The following EIF2B2 variants were observed in gnomAD, a reference collection of about 807,000 sequenced individuals.
EIF2B2 encodes the protein translation initiation factor eIF2B subunit beta.
A neutral mutation model predicts 34.7 loss-of-function variants in EIF2B2; 34 were observed. That is an observed-to-expected ratio of 0.98 (90% CI 0.75 to 1.31). The LOEUF (loss-of-function observed/expected upper bound fraction) is 1.31, where lower values mean the gene tolerates loss of function less well. Ranked by LOEUF, EIF2B2 falls within the 50% of genes most tolerant of loss-of-function variation. EIF2B2 has a pLI of 0.00. For missense variants in EIF2B2, 361 were observed against 447.7 expected (o/e 0.81, Z 1.75); for synonymous variants, 155 against 171.6 (o/e 0.90, Z 0.76).
At position 75,009,395 on chromosome 14, in the gene EIF2B2, C is replaced by T. The variant is rs1478578743; in HGVS notation, c.*207C>T. 1 of 598,546 alleles carries T rather than the reference C, an allele frequency of 1.7e-6. No individual in the cohort carries two copies. Among genetic ancestry groups the T allele is most frequent in the South Asian group, 1.9e-5 (1 of 53,122 alleles). The allele number at this position is 598,546 out of a possible 1,614,324, so 37.1% of individuals were successfully genotyped here. ...CTGTGTCTTGCCTTTCAGATCTTAA[C>T]AGAGCAGCAGGGCTTAACTTGTTGA... On this transcript the variant is annotated 3_prime_UTR_variant, in exon 8 of 8. Transcript: ENST00000266126.
chr14:75,009,735 T>TG lies in EIF2B2; in HGVS notation c.*548dup, dbSNP rs1889679068. The TG allele has an allele frequency of 6.4e-6, 1 of 155,764 alleles. No homozygotes were observed. Among genetic ancestry groups the TG allele is most frequent in the Admixed American group, 6.2e-5 (1 of 16,110 alleles). The allele number at this position is 155,764 out of a possible 1,614,324, so 9.6% of individuals were successfully genotyped here. ...CTGGCCAGATGCAGTGGCTCCCACT[T>TG]GTAATCCTGGACTTTGGGAGGCTGA... is the stretch of plus-strand genomic sequence containing the variant. On this transcript the variant is annotated 3_prime_UTR_variant, in exon 8 of 8. Transcript: ENST00000266126.
At chr14:75,003,753 C>T in intron 3 of EIF2B2, 54 bp downstream of exon 3, 7 of 1,610,418 alleles carry the variant, frequency 4.3e-6, no homozygotes, top group Non-Finnish European at 5.9e-6. Context: ...CATAAGGGAA[C>T]AGAAGCCTCT....
At chr14:75,003,988 A>G (rs1889582254) in intron 3 of EIF2B2, among the ~76,000 whole-genome samples, 1 of 152,216 alleles carries the variant, frequency 6.6e-6, no homozygotes, top group Non-Finnish European at 1.5e-5. Flanking sequence ...TGAACTCCCT[A>G]GAGAGCCAAG....
At chr14:75,007,012 C>T (rs545627876) in intron 6 of EIF2B2, 44 of 544,162 alleles carry the variant, frequency 8.1e-5, no homozygotes, top group South Asian at 6.4e-4. Flanking sequence ...CTGAAAATGC[C>T]AAGCAGGTTG....
intron 2 of EIF2B2, 30 bp downstream of exon 2, chr14:75,003,425 G>A (rs1400602748): frequency 6.2e-7 from 1 of 1,613,868 alleles, no homozygotes. Context: ...CTCCTGGTTG[G>A]ATCCAGTGAC....
In EIF2B2 at chr14:75,002,944, G is replaced by C; in HGVS notation, c.-47G>C. 1.2e-6 allele frequency: 2 copies of C among 1,612,870 alleles called. No homozygotes were observed. The highest frequency in any genetic ancestry group is 1.7e-6 in the Non-Finnish European group (2 of 1,179,890). On this transcript the variant is annotated 5_prime_UTR_variant, in exon 1 of 8. Coordinates refer to ENST00000266126, the MANE Select transcript of EIF2B2 (RefSeq NM_014239.4). Reference sequence around the variant, plus strand: ...CCGGAAGTGCAAACTGTGTGGTCTGGCAGGTGTGGATTCCGCCGGTGAAGG... The same window carrying C: ...CCGGAAGTGCAAACTGTGTGGTCTGCCAGGTGTGGATTCCGCCGGTGAAGG...
At chr14:75,005,431 C>T (rs1047735990) in intron 4 of EIF2B2, among the ~76,000 whole-genome samples, 1 of 151,526 alleles carries the variant, frequency 6.6e-6, no homozygotes, top group Non-Finnish European at 1.5e-5. Flanking sequence ...TAACTTGATT[C>T]TTTTAGGAAT....
rs531714960 is a variant in EIF2B2 at position 75,010,065 on chromosome 14, C to T, written c.*877C>T. ...TTCCTTTACAATTCACTGCTCCTGGCCCCAAAGTTTGTTCATAGTCTAAAA... is the reference window on the plus strand; with the variant it reads ...TTCCTTTACAATTCACTGCTCCTGGTCCCAAAGTTTGTTCATAGTCTAAAA... On this transcript the variant is annotated 3_prime_UTR_variant, in exon 8 of 8. Coordinates refer to ENST00000266126, the MANE Select transcript of EIF2B2 (RefSeq NM_014239.4). 4 of 152,272 alleles carry T rather than the reference C, an allele frequency of 2.6e-5. No individual in the cohort carries two copies. Among genetic ancestry groups the T allele is most frequent in the South Asian group, 2.1e-4 (1 of 4,822 alleles). The allele number at this position is 152,272 out of a possible 1,614,324, so 9.4% of individuals were successfully genotyped here.
In EIF2B2 at chr14:75,005,160, T is replaced by C. The variant is rs1056911506; in HGVS notation, c.597+260T>C. 12 of 401,828 alleles carry C rather than the reference T, an allele frequency of 3.0e-5. 1 individual carries two copies. The highest frequency in any genetic ancestry group is 8.1e-4 in the Middle Eastern group (1 of 1,240). 24.9% of individuals were successfully genotyped at this position (401,828 alleles called of 1,614,324 possible). A position where few individuals can be genotyped will look rare whatever the true frequency, so the allele number is the denominator to read the frequency against. On this transcript the variant is annotated intron_variant, in intron 4 of 7. Coordinates refer to ENST00000266126, the MANE Select transcript of EIF2B2 (RefSeq NM_014239.4). Reference sequence around the variant, plus strand: ...TGGGAGGCTGGGCGGGTGGATTACCTGAGGTCAGGAGTTCGAGAGCAGCCT... The same window carrying C: ...TGGGAGGCTGGGCGGGTGGATTACCCGAGGTCAGGAGTTCGAGAGCAGCCT...
chr14:75,003,378 C>T lies in EIF2B2; in HGVS notation c.267C>T (p.Ile89=), dbSNP rs1889570675. The T allele has an allele frequency of 6.2e-7, 1 of 1,613,784 alleles. No individual in the cohort carries two copies. The highest frequency in any genetic ancestry group is 1.3e-5 in the African/African-American group (1 of 74,838). The part of the protein sequence containing the change: ...GNMVRRVLKI[I]REEYGRLHGR... ...TGGTGCGGAGAGTGCTCAAGATTAT[C>T]CGGGAGGAGTATGGCAGGTCAGGCT... The change falls in exon 2 of 8, where the codon ATC becomes ATT. Residue 89 remains isoleucine, a synonymous_variant. Transcript: ENST00000266126.
chr14:75,004,982 C>T (rs1442321131), intron 4 of EIF2B2, 82 bp downstream of exon 4: 1 of 1,438,784 alleles, frequency 7.0e-7, no homozygotes, highest in Non-Finnish European at 9.7e-7. Flanking sequence ...GCCATTCCAA[C>T]CTTGAATTGA....
At position 75,010,317 on chromosome 14, in the gene EIF2B2, T is replaced by C. The variant is rs1889687990; in HGVS notation, c.*1129T>C. The stretch of plus-strand genomic sequence containing the variant: ...CAATTTGGAAGCTGTATTTCTAGAA[T>C]TATTTGTACAAGCAAAAAGATTTAT... On this transcript the variant is annotated 3_prime_UTR_variant, in exon 8 of 8. Transcript: ENST00000266126. 1 of 152,172 alleles carries C rather than the reference T, an allele frequency of 6.6e-6. No individual in the cohort carries two copies. The highest frequency in any genetic ancestry group is 2.1e-4 in the South Asian group (1 of 4,830). 9.4% of individuals were successfully genotyped at this position (152,172 alleles called of 1,614,324 possible). A position where few individuals can be genotyped will look rare whatever the true frequency, so the allele number is the denominator to read the frequency against.
chr14:75,009,561 C>T lies in EIF2B2; in HGVS notation c.*373C>T, dbSNP rs1889676201. 1 of 309,040 alleles carries T rather than the reference C, an allele frequency of 3.2e-6. No homozygotes were observed. The highest frequency in any genetic ancestry group is 4.6e-5 in the Admixed American group (1 of 21,696). 19.1% of individuals were successfully genotyped at this position (309,040 alleles called of 1,614,324 possible). On this transcript the variant is annotated 3_prime_UTR_variant, in exon 8 of 8. Coordinates refer to ENST00000266126, the MANE Select transcript of EIF2B2 (RefSeq NM_014239.4). ...AAATGGCTATGACACTTTTTCTAGG[C>T]TCTACCAATAAAAGCCACTTGAAGG...
chr14:75,007,866 G>A, intron 7 of EIF2B2, 78 bp downstream of exon 7: 7 of 1,401,230 alleles, frequency 5.0e-6, no homozygotes, highest in Non-Finnish European at 7.0e-6. Flanking sequence ...TGGTCTTTTT[G>A]TTGTTTTGTT....
Position 75,004,917 on chromosome 14 carries a change from A to G in EIF2B2, c.597+17A>G. 1.2e-6 allele frequency: 2 copies of G among 1,609,176 alleles called. 1 individual carries two copies. Among genetic ancestry groups the G allele is most frequent in the South Asian group, 2.2e-5 (2 of 91,032 alleles). On this transcript the variant is annotated intron_variant, in intron 4 of 7. Coordinates refer to ENST00000266126, the MANE Select transcript of EIF2B2 (RefSeq NM_014239.4). Reference sequence around the variant, plus strand: ...TTCTGCCAGGTAAGGAGACTGCTGGAGTTGCTACTAAGAAAAATGAAAAAT... The same window carrying G: ...TTCTGCCAGGTAAGGAGACTGCTGGGGTTGCTACTAAGAAAAATGAAAAAT...
At chr14:75,008,449 C>T (rs938751313) in intron 7 of EIF2B2, 3 of 195,072 alleles carry the variant, frequency 1.5e-5, no homozygotes, top group Admixed American at 1.1e-4. Flanking sequence ...CTCTTCTAGG[C>T]ACTGAAGATA....
chr14:75,007,689 G>A (rs751674368), intron 6 of EIF2B2, 33 bp from the exon 7 acceptor site: 13 of 1,577,294 alleles, frequency 8.2e-6, no homozygotes, highest in Non-Finnish European at 1.1e-5. Flanking sequence ...GAATTGCTGG[G>A]TCTCTAGTTT....
In EIF2B2 at chr14:75,004,720, C is replaced by CTTTTTTTTTA. The variant is rs768701906; in HGVS notation, c.434-17_434-16insTTTTTTTTTA. 5.7e-6 allele frequency: 3 copies of CTTTTTTTTTA among 530,194 alleles called. No homozygotes were observed. The highest frequency in any genetic ancestry group is 7.7e-5 in the African/African-American group (1 of 13,012). The allele number at this position is 530,194 out of a possible 1,614,324, so 32.8% of individuals were successfully genotyped here. On this transcript the variant is annotated splice_polypyrimidine_tract_variant and intron_variant, in intron 3 of 7. Coordinates refer to ENST00000266126, the MANE Select transcript of EIF2B2 (RefSeq NM_014239.4). Reference sequence around the variant, plus strand: ...TTTTTTTTTTTTTTTTTTTTTTTTGCAAAACCGTTCTTACAGAAGGGACAA... The same window carrying CTTTTTTTTTA: ...TTTTTTTTTTTTTTTTTTTTTTTTGCTTTTTTTTTAAAAACCGTTCTTACAGAAGGGACAA...
At chr14:75,003,874 CT>C (rs1173220930) in intron 3 of EIF2B2, among the ~76,000 whole-genome samples, 175 bp downstream of exon 3, 1 of 152,178 alleles carries the variant, frequency 6.6e-6, no homozygotes, top group Non-Finnish European at 1.5e-5. Flanking sequence ...CAAAGTAATC[CT>C]CTCTACTTTT....
Sources: allele counts gnomAD v4.1 joint callset (sites outside exome capture counted in the v4.1 genomes callset), GRCh38; gene constraint gnomAD v4.1.1; transcripts MANE v1.5; gene names NCBI Gene and HGNC (gene_info 2026-07-23, HGNC 2026-07-21).